The following VWA8 variants were observed in gnomAD, a reference collection of about 807,000 sequenced individuals.
VWA8 encodes the protein von Willebrand factor A domain-containing protein 8.
A neutral mutation model predicts 241.5 loss-of-function variants in VWA8; 221 were observed. That is an observed-to-expected ratio of 0.91 (90% CI 0.82 to 1.02). The LOEUF is 1.02. VWA8 is among the 50% of genes least tolerant of loss of function. VWA8 has a pLI of 0.00. For synonymous variants in VWA8, 852 were observed against 827.1 expected (o/e 1.03, Z -0.52); for missense variants, 2,322 against 2,328.7 (o/e 1.00, Z 0.06).
chr13:41,767,899 T>A (rs1017148997), intron 20 of VWA8, among the ~76,000 whole-genome samples: 1 of 152,230 alleles, frequency 6.6e-6, no homozygotes, highest in African/African-American at 2.4e-5. Context: ...AAAATCAATG[T>A]GTCTGCAGGA....
intron 21 of VWA8, among the ~76,000 whole-genome samples, chr13:41,745,475 A>G (rs1280128955): frequency 6.6e-6 from 1 of 152,216 alleles, no homozygotes; most frequent in African/African-American, 2.4e-5. Context: ...AAGGGCTAAT[A>G]TCCAGAATCT....
intron 21 of VWA8, 107 bp from the exon 22 acceptor site, chr13:41,732,262 T>G: frequency 2.0e-6 from 2 of 1,004,074 alleles, no homozygotes; most frequent in South Asian, 3.4e-5. Context: ...TTGTTCATCA[T>G]CCTGCTTCCC....
At chr13:41,789,775 C>G (rs1869369779) in intron 17 of VWA8, among the ~76,000 whole-genome samples, 1 of 152,116 alleles carries the variant, frequency 6.6e-6, no homozygotes, top group Non-Finnish European at 1.5e-5. Flanking sequence ...TCTGTGGATA[C>G]TAGGCAGTCT....
intron 2 of VWA8, chr13:41,925,943 G>A: frequency 2.7e-6 from 1 of 376,640 alleles, no homozygotes; most frequent in Non-Finnish European, 5.2e-6. Context: ...GTCACCAGCA[G>A]CCTGGGGGTC....
In VWA8 at chr13:41,758,167, C is replaced by A. The variant is rs931231936; in HGVS notation, c.2426+2961G>T. Among the ~76,000 whole-genome samples, 8 of 150,960 alleles carry A rather than the reference C, an allele frequency of 5.3e-5. 1 individual carries two copies. Among genetic ancestry groups the A allele is most frequent in the Admixed American group, 3.3e-4 (5 of 15,114 alleles). ...CATCTCACAAGTATGAAACAGATAACCTTCAGTTCCATTTCAAACAGCCAT... is the reference window on the plus strand; with the variant it reads ...CATCTCACAAGTATGAAACAGATAAACTTCAGTTCCATTTCAAACAGCCAT... On this transcript the variant is annotated intron_variant, in intron 21 of 44. Transcript: ENST00000379310.
intron 20 of VWA8, among the ~76,000 whole-genome samples, chr13:41,765,128 G>C (rs753833130): frequency 6.6e-6 from 1 of 152,020 alleles, no homozygotes; most frequent in African/African-American, 2.4e-5. Context: ...TTGGGCAATC[G>C]AGTGGCAGGT....
intron 1 of VWA8, among the ~76,000 whole-genome samples, chr13:41,951,356 G>T (rs903195890): frequency 3.3e-5 from 5 of 152,214 alleles, no homozygotes; most frequent in African/African-American, 1.2e-4. Flanking sequence ...GGCGGAGGTT[G>T]CAGCAAGCCA....
In VWA8 at chr13:41,863,109, C is replaced by T. The variant is rs151057934; in HGVS notation, c.1425+2627G>A. On this transcript the variant is annotated intron_variant, in intron 12 of 44. Transcript: ENST00000379310. ...GTGGGCTGGGGAAGGCAGACCCACCCTTAATCTGGTGGGCATCATCTAATC... is the reference window on the plus strand; with the variant it reads ...GTGGGCTGGGGAAGGCAGACCCACCTTTAATCTGGTGGGCATCATCTAATC... Among the ~76,000 whole-genome samples, 824 of 152,008 alleles carry T rather than the reference C, an allele frequency of 5.4e-3. 4 individuals carry two copies. The highest frequency in any genetic ancestry group is 0.017 in the Middle Eastern group (5 of 294).
intron 12 of VWA8, 39 bp downstream of exon 12, chr13:41,865,697 T>G: frequency 6.2e-7 from 1 of 1,608,406 alleles, no homozygotes; most frequent in South Asian, 1.1e-5. Context: ...TAAGCATATA[T>G]GCTTATAGTC....
chr13:41,689,388 T>C lies in VWA8; in HGVS notation c.4097A>G (p.Tyr1366Cys). The stretch of plus-strand genomic sequence containing the variant: ...TGGAAAACCAACAACTATTGTAGCA[T>C]AATTTTTCTCATCTGAGAGAATTCT... Reference protein sequence around the residue: ...PNRILSDEKNYATIVVGFPDL... With the variant: ...PNRILSDEKNCATIVVGFPDL... Residue 1366 changes from tyrosine to cysteine, a missense_variant, in exon 34 of 45, where the codon TAT (tyrosine) becomes TGT (cysteine). By Grantham distance (194) the Tyr-to-Cys change is radical (BLOSUM62 -2). Transcript: ENST00000379310. 1 of 1,611,634 alleles carries C rather than the reference T, an allele frequency of 6.2e-7. No individual in the cohort carries two copies. Among genetic ancestry groups the C allele is most frequent in the Non-Finnish European group, 8.5e-7 (1 of 1,178,914 alleles).
intron 26 of VWA8, among the ~76,000 whole-genome samples, chr13:41,717,779 G>A (rs2045356946): frequency 6.6e-6 from 1 of 152,012 alleles, no homozygotes; most frequent in South Asian, 2.1e-4. Flanking sequence ...AGCCTACTCT[G>A]ATCTCCTTCT....
At chr13:41,641,913 C>T (rs2044797720) in intron 37 of VWA8, among the ~76,000 whole-genome samples, 2 of 151,898 alleles carry the variant, frequency 1.3e-5, no homozygotes, top group Non-Finnish European at 2.9e-5. Context: ...AGAGATTCTA[C>T]AAATCTATCT....
intron 36 of VWA8, among the ~76,000 whole-genome samples, chr13:41,672,449 G>A (rs1248139908): frequency 6.6e-6 from 1 of 152,074 alleles, no homozygotes; most frequent in Non-Finnish European, 1.5e-5. Context: ...CTTGCAAAAT[G>A]CATCTGATAT....
intron 12 of VWA8, among the ~76,000 whole-genome samples, chr13:41,863,260 A>C (rs1873092544): frequency 6.7e-6 from 1 of 148,602 alleles, no homozygotes; most frequent in African/African-American, 2.6e-5. Flanking sequence ...CACATTCTCC[A>C]GTTTTGAGAC....
intron 21 of VWA8, among the ~76,000 whole-genome samples, chr13:41,743,890 T>C (rs1290344654): frequency 2.0e-5 from 3 of 152,190 alleles, no homozygotes; most frequent in African/African-American, 7.2e-5. Context: ...ATAGATCTCC[T>C]TTACCACCAA....
Position 41,826,744 on chromosome 13 carries a change from C to G in VWA8, c.1700+3785G>C, listed in dbSNP as rs117017261. Reference sequence around the variant, plus strand: ...ACAAAACAAAACGGGTGTGGCGATGCGCAACTGTAGTCTCAGCTACTCGGG... The same window carrying G: ...ACAAAACAAAACGGGTGTGGCGATGGGCAACTGTAGTCTCAGCTACTCGGG... On this transcript the variant is annotated intron_variant, in intron 14 of 44. Transcript: ENST00000379310. Among the ~76,000 whole-genome samples, 67 of 152,108 alleles carry G rather than the reference C, an allele frequency of 4.4e-4. 1 individual carries two copies. The East Asian group carries it at 0.012, about 27-fold the overall frequency.
chr13:41,863,655 A>C (rs895838265), intron 12 of VWA8, among the ~76,000 whole-genome samples: 1 of 151,818 alleles, frequency 6.6e-6, no homozygotes, highest in Non-Finnish European at 1.5e-5. Flanking sequence ...AAAAGGAAGA[A>C]AATCATGTCC....
At chr13:41,590,341 T>A (rs1198749031) in intron 41 of VWA8, among the ~76,000 whole-genome samples, 1 of 152,124 alleles carries the variant, frequency 6.6e-6, no homozygotes, top group East Asian at 1.9e-4. Context: ...CACTGTTTAT[T>A]TTTGATTTTC....
intron 12 of VWA8, among the ~76,000 whole-genome samples, 190 bp from the exon 13 acceptor site, chr13:41,833,721 T>C (rs1050995520): frequency 6.7e-6 from 1 of 149,770 alleles, no homozygotes; most frequent in African/African-American, 2.4e-5. Flanking sequence ...CATTTTAGGA[T>C]TTTTTTCCAT....
Sources: allele counts gnomAD v4.1 joint callset (sites outside exome capture counted in the v4.1 genomes callset), GRCh38; gene constraint gnomAD v4.1.1; transcripts MANE v1.5; gene names NCBI Gene and HGNC (gene_info 2026-07-23, HGNC 2026-07-21).